SAMD12: variants seen among roughly 807,000 people sequenced by gnomAD.
SAMD12 encodes the protein sterile alpha motif domain containing 12.
SAMD12 carries 9 observed loss-of-function variants against 15.0 expected under a neutral mutation model. That is an observed-to-expected ratio of 0.60 (90% confidence interval 0.36 to 1.05). The LOEUF is 1.05. SAMD12 is among the 50% of genes least tolerant of loss of function. The probability of loss-of-function intolerance (pLI) is 0.01; values close to 1 mark genes in which losing one functional copy is unlikely to be tolerated. For missense variants in SAMD12, 230 were observed against 234.2 expected (o/e 0.98, Z 0.12); for synonymous variants, 86 against 90.1 (o/e 0.96, Z 0.25).
intron 4 of SAMD12, among the ~76,000 whole-genome samples, chr8:118,350,018 C>G (rs1005971304): frequency 6.6e-6 from 1 of 152,168 alleles, no homozygotes; most frequent in African/African-American, 2.4e-5. Flanking sequence ...GTCCCAGCTT[C>G]TCAAGGGGCT....
intron 2 of SAMD12, among the ~76,000 whole-genome samples, chr8:118,569,974 T>A (rs1415006732): frequency 6.6e-6 from 1 of 152,240 alleles, no homozygotes; most frequent in Non-Finnish European, 1.5e-5. Flanking sequence ...TGATCCAATT[T>A]TTCAGTTTAA....
chr8:118,211,499 C>T (rs572391661), intron 4 of SAMD12, among the ~76,000 whole-genome samples: 2 of 152,354 alleles, frequency 1.3e-5, no homozygotes, highest in African/African-American at 4.8e-5. Flanking sequence ...CGACAGCTTT[C>T]TTTTGCAAGG....
At chr8:118,233,503 G>T (rs1036076729) in intron 4 of SAMD12, among the ~76,000 whole-genome samples, 3 of 152,148 alleles carry the variant, frequency 2.0e-5, no homozygotes, top group African/African-American at 7.2e-5. Flanking sequence ...TAACTTAAAA[G>T]AAGTGGTTTA....
At chr8:118,446,511 A>AT (rs548141605) in intron 2 of SAMD12, among the ~76,000 whole-genome samples, 180 of 152,214 alleles carry the variant, frequency 1.2e-3, no homozygotes, top group African/African-American at 3.9e-3. Context: ...TAAAATGATT[A>AT]TTTTTTCTTT....
At chr8:118,132,117 G>C in the SAMD12 span, among the ~76,000 whole-genome samples, 1 of 151,962 alleles carries the variant, frequency 6.6e-6, no homozygotes, top group Admixed American at 6.6e-5. Flanking sequence ...AAACAATACT[G>C]TTTGCAATTG....
At chr8:118,491,090 GCCTGTCCACCTGT>G (rs1167374016) in intron 2 of SAMD12, among the ~76,000 whole-genome samples, 3 of 152,078 alleles carry the variant, frequency 2.0e-5, no homozygotes, top group African/African-American at 7.2e-5. Flanking sequence ...CCAGACTGGT[GCCTGTCCACCTGT>G]CCAATGCATC....
chr8:118,512,408 G>A (rs549308092), intron 2 of SAMD12, among the ~76,000 whole-genome samples: 1 of 152,258 alleles, frequency 6.6e-6, no homozygotes, highest in Non-Finnish European at 1.5e-5. Context: ...TTTTATGATT[G>A]CATAAAATAG....
chr8:118,580,247 T>C (rs1485603521), intron 2 of SAMD12, among the ~76,000 whole-genome samples: 3 of 152,208 alleles, frequency 2.0e-5, no homozygotes, highest in Non-Finnish European at 4.4e-5. Context: ...TAACAATACC[T>C]GTAAGCACAA....
intron 4 of SAMD12, among the ~76,000 whole-genome samples, chr8:118,229,594 C>T (rs1273180460): frequency 6.6e-6 from 1 of 152,116 alleles, no homozygotes; most frequent in Admixed American, 6.6e-5. Flanking sequence ...TATTTTGGCT[C>T]CTATGGTGTT....
At chr8:118,515,662 T>C (rs546408764) in intron 2 of SAMD12, among the ~76,000 whole-genome samples, 12 of 152,260 alleles carry the variant, frequency 7.9e-5, no homozygotes, top group African/African-American at 2.6e-4. Context: ...AGGCCACCCC[T>C]ACCCCAGGTA....
At chr8:118,409,986 C>T (rs187475519) in intron 3 of SAMD12, among the ~76,000 whole-genome samples, 50 of 151,924 alleles carry the variant, frequency 3.3e-4, no homozygotes, top group Non-Finnish European at 6.5e-4. Flanking sequence ...ATAAAGTACA[C>T]GTATATCTTT....
chr8:118,579,006 G>A (rs1827218968), intron 2 of SAMD12, among the ~76,000 whole-genome samples: 1 of 151,996 alleles, frequency 6.6e-6, no homozygotes, highest in South Asian at 2.1e-4. Flanking sequence ...TTCAGCAAAG[G>A]AACTATAAAA....
At chr8:118,353,015 T>C (rs1162057560) in intron 4 of SAMD12, among the ~76,000 whole-genome samples, 1 of 152,104 alleles carries the variant, frequency 6.6e-6, no homozygotes, top group African/African-American at 2.4e-5. Context: ...AAAATAAAAA[T>C]CACGTTAAAC....
chr8:118,232,840 G>A (rs564674493), intron 4 of SAMD12, among the ~76,000 whole-genome samples: 6 of 152,274 alleles, frequency 3.9e-5, no homozygotes, highest in Non-Finnish European at 5.9e-5. Flanking sequence ...AGGCTGTGGC[G>A]CCGGGAGATT....
At chr8:118,512,472 A>G (rs376159497) in intron 2 of SAMD12, among the ~76,000 whole-genome samples, 1 of 152,228 alleles carries the variant, frequency 6.6e-6, no homozygotes, top group African/African-American at 2.4e-5. Flanking sequence ...TAATTTGAAC[A>G]TATATCAGCT....
At chr8:118,578,116 T>C (rs937024928) in intron 2 of SAMD12, among the ~76,000 whole-genome samples, 2 of 152,150 alleles carry the variant, frequency 1.3e-5, no homozygotes, top group South Asian at 2.1e-4. Flanking sequence ...AACGGAAACA[T>C]ACAATATCTA....
intron 3 of SAMD12, among the ~76,000 whole-genome samples, chr8:118,434,365 C>G (rs145298058): frequency 6.6e-6 from 1 of 152,162 alleles, no homozygotes. Context: ...AAAGGATACC[C>G]ATGGTTCGTC....
chr8:118,431,666 C>G (rs1325621558), intron 3 of SAMD12, among the ~76,000 whole-genome samples: 1 of 148,062 alleles, frequency 6.8e-6, no homozygotes. Context: ...AATCTGACTC[C>G]TTTCAAAATT....
At chr8:118,436,357 G>T (rs1219828096) in intron 3 of SAMD12, among the ~76,000 whole-genome samples, 1 of 152,166 alleles carries the variant, frequency 6.6e-6, no homozygotes, top group East Asian at 1.9e-4. Flanking sequence ...ACTAACGTGT[G>T]GCATTATGTT....
Sources: allele counts gnomAD v4.1 joint callset (sites outside exome capture counted in the v4.1 genomes callset), GRCh38; gene constraint gnomAD v4.1.1; transcripts MANE v1.5; gene names NCBI Gene and HGNC (gene_info 2026-07-23, HGNC 2026-07-21).